Variants in PCDHGB1 observed in about 807,000 individuals in gnomAD.
The protein encoded by PCDHGB1 is protocadherin gamma-B1.
A neutral mutation model predicts 56.6 loss-of-function variants in PCDHGB1; 34 were observed. The observed-to-expected ratio is 0.60, with a 90% CI of 0.46 to 0.80. PCDHGB1 has a LOEUF of 0.80. Among genes scored for constraint, PCDHGB1 ranks in the 30% least tolerant of loss-of-function variants. PCDHGB1 has a pLI of 0.00. For synonymous variants in PCDHGB1, 561 were observed against 505.9 expected, an observed-to-expected ratio of 1.11 and a Z score of -1.46; for missense variants, 1,278 against 1,204.6, an observed-to-expected ratio of 1.06 and a Z score of -0.90.
chr5:141,421,312 GC>G, intron 1 of PCDHGB1: 1 of 1,613,748 alleles, frequency 6.2e-7, no homozygotes, highest in Non-Finnish European at 8.5e-7. Flanking sequence ...GGGGTTCCGG[GC>G]CAGGCAGATC....
intron 1 of PCDHGB1, among the ~76,000 whole-genome samples, chr5:141,459,334 A>G (rs987526492): frequency 5.9e-5 from 9 of 152,116 alleles, no homozygotes; most frequent in Admixed American, 1.3e-4. Flanking sequence ...TTTTACTCCA[A>G]AGTTCTTGAA....
chr5:141,404,124 C>A, intron 1 of PCDHGB1: 1 of 1,613,272 alleles, frequency 6.2e-7, no homozygotes, highest in Non-Finnish European at 8.5e-7. Context: ...GAGAATCTAT[C>A]TTTTACATTA....
intron 1 of PCDHGB1, chr5:141,484,980 A>C (rs1387732109): frequency 1.7e-6 from 1 of 593,836 alleles, no homozygotes; most frequent in Admixed American, 3.1e-5. Flanking sequence ...CTGTCTGCCA[A>C]TCGGGTGGTG....
chr5:141,510,986 G>A lies in PCDHGB1; in HGVS notation c.2597G>A (p.Gly866Asp), dbSNP rs754203270. The A allele has an allele frequency of 6.2e-7, 1 of 1,614,166 alleles. No individual in the cohort carries two copies. The highest frequency in any genetic ancestry group is 8.5e-7 in the Non-Finnish European group (1 of 1,180,012). The change falls in exon 4 of 4, where the codon GGC becomes GAC. Residue 866 changes from glycine to aspartate, a missense_variant. Physicochemically the swap from Gly to Asp is moderately conservative, Grantham distance 94. Transcript: ENST00000523390. ...DGSSTLGGGA[G>D]TMGLSARYGP... ...AGCTCCACCCTGGGAGGGGGTGCCG[G>A]CACCATGGGATTGAGCGCCCGCTAC... is the stretch of plus-strand genomic sequence containing the variant.
chr5:141,383,340 T>C (rs1475808617), intron 1 of PCDHGB1: 15 of 1,614,016 alleles, frequency 9.3e-6, no homozygotes, highest in Non-Finnish European at 1.2e-5. Context: ...AGAATACAGC[T>C]CCTGGGGTTC....
chr5:141,497,060 G>A (rs1244885752), intron 2 of PCDHGB1, among the ~76,000 whole-genome samples: 1 of 151,952 alleles, frequency 6.6e-6, no homozygotes, highest in African/African-American at 2.4e-5. Context: ...GTGGTGGCAG[G>A]CACCTGTAAT....
intron 1 of PCDHGB1, among the ~76,000 whole-genome samples, chr5:141,449,240 G>A (rs535847654): frequency 6.6e-6 from 1 of 152,186 alleles, no homozygotes; most frequent in Non-Finnish European, 1.5e-5. Context: ...ATTTTCAAAG[G>A]AGTTGCAAGA....
rs759346998 is a variant in PCDHGB1 at position 141,410,849 on chromosome 5, C to CTTTTTTTTTT, written c.2409+58193_2409+58202dup. ...CAGACTGAAGATATTTTGTCTTTGT[C>CTTTTTTTTTT]TTTTTTTTTTTTTTTTTTTTTTGAG... On this transcript the variant is annotated intron_variant, in intron 1 of 3. Coordinates refer to ENST00000523390, the MANE Select transcript of PCDHGB1 (RefSeq NM_018922.3). 91 of 138,162 alleles carry CTTTTTTTTTT rather than the reference C, an allele frequency of 6.6e-4. 6 individuals are homozygous for CTTTTTTTTTT. The highest frequency in any genetic ancestry group is 2.3e-3 in the African/African-American group (38 of 16,624). The allele number at this position is 138,162 out of a possible 1,614,324, so 8.6% of individuals were successfully genotyped here. A position where few individuals can be genotyped will look rare whatever the true frequency, so the allele number is the denominator to read the frequency against.
intron 2 of PCDHGB1, among the ~76,000 whole-genome samples, chr5:141,498,747 C>T (rs1363145286): frequency 6.6e-6 from 1 of 152,106 alleles, no homozygotes; most frequent in Non-Finnish European, 1.5e-5. Context: ...GCCTGGCCAA[C>T]ATGATGAAAC....
At position 141,351,166 on chromosome 5, in the gene PCDHGB1, A is replaced by G. The variant is rs530140667; in HGVS notation, c.906A>G (p.Thr302=). The G allele has an allele frequency of 2.5e-6, 4 of 1,614,052 alleles. No homozygotes were observed. The East Asian group carries it at 6.7e-5, about 27-fold the overall frequency. The change falls in exon 1 of 4, where the codon ACA becomes ACG. Residue 302 remains threonine, a synonymous_variant. Transcript: ENST00000523390. The part of the protein sequence containing the change: ...PNTGDITTNG[T]LDFEETSRYV... ...CTGGCGACATCACAACCAATGGCACATTGGATTTTGAAGAGACAAGTAGAT... is the reference window on the plus strand; with the variant it reads ...CTGGCGACATCACAACCAATGGCACGTTGGATTTTGAAGAGACAAGTAGAT...
In PCDHGB1 at chr5:141,485,870, C is replaced by A. The variant is rs745737454; in HGVS notation, c.2410-8937C>A. On this transcript the variant is annotated intron_variant, in intron 1 of 3. Coordinates refer to ENST00000523390, the MANE Select transcript of PCDHGB1 (RefSeq NM_018922.3). The surrounding 1 kb of genome is among the most constrained non-coding windows in gnomAD (Gnocchi z 5.7). ...CACCGCAGAGCTCCGGGTATCCGTGCTGGACGTAAACGACAACGCCCCAGC... is the reference window on the plus strand; with the variant it reads ...CACCGCAGAGCTCCGGGTATCCGTGATGGACGTAAACGACAACGCCCCAGC... 1 of 1,614,174 alleles carries A rather than the reference C, an allele frequency of 6.2e-7. No homozygotes were observed. Among genetic ancestry groups the A allele is most frequent in the Non-Finnish European group, 8.5e-7 (1 of 1,180,032 alleles).
In PCDHGB1 at chr5:141,393,830, T is replaced by C. The variant is rs926004105; in HGVS notation, c.2409+41161T>C. The C allele has an allele frequency of 1.7e-5, 27 of 1,613,872 alleles. No homozygotes were observed. In the African/African-American group the frequency reaches 3.2e-4, roughly 19 times the overall value. On this transcript the variant is annotated intron_variant, in intron 1 of 3. Coordinates refer to ENST00000523390, the MANE Select transcript of PCDHGB1 (RefSeq NM_018922.3). ...CCAAATTGCTCATTTCGGTGGAAGA[T>C]GTAAATGACAATAGACCAGAAGTGA... is the stretch of plus-strand genomic sequence containing the variant.
intron 1 of PCDHGB1, chr5:141,419,209 G>C: frequency 6.2e-7 from 1 of 1,613,900 alleles, no homozygotes; most frequent in Admixed American, 1.7e-5. Context: ...ACAACGCGCC[G>C]GTTTTCGGAC....
chr5:141,371,993 G>C, intron 1 of PCDHGB1: 2 of 1,613,268 alleles, frequency 1.2e-6, no homozygotes, highest in Non-Finnish European at 1.7e-6. Context: ...TCACTCTGCA[G>C]GCCCGCGACC....
chr5:141,372,231 G>A, intron 1 of PCDHGB1: 2 of 1,613,374 alleles, frequency 1.2e-6, no homozygotes, highest in Non-Finnish European at 8.5e-7. Flanking sequence ...GCAGGCCAGC[G>A]AGCCCGGGCT....
Position 141,491,711 on chromosome 5 carries a change from C to A in PCDHGB1, c.2410-3096C>A, listed in dbSNP as rs528931820. ...CGGGAGCGGAGCCAGGTGAGGGGCT[C>A]GGCGCCGCCCCGGGCGACCCCTGGG... On this transcript the variant is annotated intron_variant, in intron 1 of 3. Coordinates refer to ENST00000523390, the MANE Select transcript of PCDHGB1 (RefSeq NM_018922.3). The surrounding 1 kb of genome is among the most constrained non-coding windows in gnomAD (Gnocchi z 6.9). 1.3e-4 allele frequency: 217 copies of A among 1,609,356 alleles called. 3 individuals are homozygous for A. In the South Asian group the frequency reaches 2.2e-3, roughly 17 times the overall value.
intron 1 of PCDHGB1, among the ~76,000 whole-genome samples, chr5:141,482,793 C>T (rs900216099): frequency 3.9e-5 from 5 of 128,974 alleles, no homozygotes; most frequent in Non-Finnish European, 8.1e-5. Flanking sequence ...TGTGTGTGGC[C>T]GGGTACGGTG....
chr5:141,491,071 C>A lies in PCDHGB1; in HGVS notation c.2410-3736C>A, dbSNP rs987564933. ...TGCGTGGCTCTCCTACTCACTGTTG[C>A]CACAGTCCACAGCCCCAGGACTGTT... On this transcript the variant is annotated intron_variant, in intron 1 of 3. Transcript: ENST00000523390. This position sits in a 1 kb window ranked among gnomAD's most constrained non-coding sequence, Gnocchi z 6.9. 2 of 1,614,034 alleles carry A rather than the reference C, an allele frequency of 1.2e-6. No individual in the cohort carries two copies. The highest frequency in any genetic ancestry group is 1.7e-6 in the Non-Finnish European group (2 of 1,180,036).
chr5:141,398,910 G>T, intron 1 of PCDHGB1: 1 of 1,613,972 alleles, frequency 6.2e-7, no homozygotes, highest in Non-Finnish European at 8.5e-7. Flanking sequence ...GCACCACTGT[G>T]TTGCAAGTGT....
Sources: allele counts gnomAD v4.1 joint callset (sites outside exome capture counted in the v4.1 genomes callset), GRCh38; gene constraint gnomAD v4.1.1; non-coding constraint Gnocchi (gnomAD v3.1); transcripts MANE v1.5; gene names NCBI Gene and HGNC (gene_info 2026-07-23, HGNC 2026-07-21).